The following GRXCR1 variants were observed in gnomAD, a reference collection of about 807,000 sequenced individuals.
GRXCR1 encodes the protein glutaredoxin domain-containing cysteine-rich protein 1.
Under a neutral mutation model 27.3 loss-of-function variants are expected in GRXCR1, and 27 were observed. The observed-to-expected ratio is 0.99, with a 90% CI of 0.73 to 1.37. GRXCR1 has a LOEUF of 1.37. Ranked by LOEUF, GRXCR1 falls within the 40% of genes most tolerant of loss-of-function variation. The pLI is 0.00. For missense variants in GRXCR1, 379 were observed against 354.4 expected (o/e 1.07, Z -0.56); for synonymous variants, 122 against 131.1 (o/e 0.93, Z 0.47).
chr4:42,987,327 G>C (rs775926753), intron 2 of GRXCR1, among the ~76,000 whole-genome samples: 2 of 143,150 alleles, frequency 1.4e-5, no homozygotes, highest in African/African-American at 2.6e-5. Flanking sequence ...CTGTCATCCA[G>C]ACTGAAGTGT....
intron 1 of GRXCR1, among the ~76,000 whole-genome samples, chr4:42,936,531 C>T (rs1299961100): frequency 6.6e-6 from 1 of 151,834 alleles, no homozygotes; most frequent in African/African-American, 2.4e-5. Flanking sequence ...CTATTATTAA[C>T]ATGTTAAAAT....
At chr4:42,949,538 T>C (rs1747831336) in intron 1 of GRXCR1, among the ~76,000 whole-genome samples, 1 of 152,150 alleles carries the variant, frequency 6.6e-6, no homozygotes, top group Admixed American at 6.5e-5. Context: ...CATTTGCTAG[T>C]TGCCTGACAT....
intron 1 of GRXCR1, among the ~76,000 whole-genome samples, chr4:42,931,821 G>A (rs150404540): frequency 9.6e-4 from 146 of 151,848 alleles, no homozygotes; most frequent in Admixed American, 3.1e-3. Context: ...CTTTTCTCAC[G>A]CTGCTAATAA....
At chr4:42,997,273 A>G (rs1162206206) in intron 2 of GRXCR1, among the ~76,000 whole-genome samples, 1 of 152,112 alleles carries the variant, frequency 6.6e-6, no homozygotes, top group Non-Finnish European at 1.5e-5. Flanking sequence ...CACTTCAAAT[A>G]TTTAGTGAAG....
At chr4:42,998,368 C>T (rs1310566553) in intron 2 of GRXCR1, among the ~76,000 whole-genome samples, 2 of 152,118 alleles carry the variant, frequency 1.3e-5, no homozygotes, top group Non-Finnish European at 2.9e-5. Flanking sequence ...ATGGAGAGTG[C>T]CACATTTTTA....
chr4:43,012,976 G>C (rs985038792), intron 2 of GRXCR1, among the ~76,000 whole-genome samples: 1 of 152,080 alleles, frequency 6.6e-6, no homozygotes, highest in Admixed American at 6.5e-5. Flanking sequence ...AGAGCACAAT[G>C]AGATAACATC....
chr4:43,013,411 A>G (rs1367712219), intron 2 of GRXCR1, among the ~76,000 whole-genome samples: 1 of 152,200 alleles, frequency 6.6e-6, no homozygotes, highest in Non-Finnish European at 1.5e-5. Context: ...GTTCTCATTT[A>G]TAAGGGGGAG....
intron 1 of GRXCR1, among the ~76,000 whole-genome samples, chr4:42,896,923 A>T (rs1345374824): frequency 6.6e-6 from 1 of 152,120 alleles, no homozygotes; most frequent in African/African-American, 2.4e-5. Flanking sequence ...ATTCAAATTT[A>T]TCAGTTAATT....
chr4:42,950,922 T>C (rs1409788310), intron 1 of GRXCR1, among the ~76,000 whole-genome samples: 1 of 147,442 alleles, frequency 6.8e-6, no homozygotes, highest in African/African-American at 2.5e-5. Flanking sequence ...TCTATATTTC[T>C]CTCTCTCTCT....
At chr4:42,917,275 G>C (rs576537482) in intron 1 of GRXCR1, among the ~76,000 whole-genome samples, 47 of 152,104 alleles carry the variant, frequency 3.1e-4, no homozygotes, top group Non-Finnish European at 4.9e-4. Context: ...GAGAAAAAAA[G>C]TATCCCATCT....
chr4:42,940,166 C>T (rs1488151714), intron 1 of GRXCR1, among the ~76,000 whole-genome samples: 2 of 151,990 alleles, frequency 1.3e-5, no homozygotes, highest in Non-Finnish European at 2.9e-5. Flanking sequence ...AGGTAAAACC[C>T]TGGAATTAAA....
chr4:42,930,683 G>A (rs1747285526), intron 1 of GRXCR1, among the ~76,000 whole-genome samples: 1 of 151,912 alleles, frequency 6.6e-6, no homozygotes, highest in African/African-American at 2.4e-5. Context: ...TAGTTCCTCT[G>A]TCTATTAGCC....
At chr4:42,925,697 C>T (rs916785876) in intron 1 of GRXCR1, among the ~76,000 whole-genome samples, 17 of 152,000 alleles carry the variant, frequency 1.1e-4, no homozygotes, top group African/African-American at 3.6e-4. Context: ...GACTTGTACC[C>T]TTCCACCATC....
rs745784596 is a variant in GRXCR1, at chr4:42,990,173, CTTTTTTTTTTTTTTTTTTTTT to C, written c.627+27055_627+27075del. Among the ~76,000 whole-genome samples the C allele has an allele frequency of 1.5e-4, 7 of 46,232 alleles. No homozygotes were observed. In the East Asian group the frequency reaches 2.3e-3, roughly 15 times the overall value. 30.3% of individuals were successfully genotyped at this position (46,232 alleles called of 152,430 possible). ...AACTTCTTGAATTGAATTATTAGTT[CTTTTTTTTTTTTTTTTTTTTT>C]TTTTTTTTTTTTTTTGAGACGGAGT... On this transcript the variant is annotated intron_variant, in intron 2 of 3. Coordinates refer to ENST00000399770, the MANE Select transcript of GRXCR1 (RefSeq NM_001080476.3).
At chr4:42,905,583 G>T (rs1330482585) in intron 1 of GRXCR1, among the ~76,000 whole-genome samples, 2 of 152,108 alleles carry the variant, frequency 1.3e-5, no homozygotes, top group East Asian at 3.9e-4. Flanking sequence ...GTTTCCCGTT[G>T]TTCTGTCTGG....
chr4:43,026,605 C>T (rs1054731994), intron 3 of GRXCR1, among the ~76,000 whole-genome samples: 3 of 152,114 alleles, frequency 2.0e-5, no homozygotes, highest in Non-Finnish European at 4.4e-5. Context: ...TTGGGGATCT[C>T]ATGTTTAGAT....
At chr4:42,971,575 G>A (rs367934126) in intron 2 of GRXCR1, among the ~76,000 whole-genome samples, 1 of 151,982 alleles carries the variant, frequency 6.6e-6, no homozygotes, top group African/African-American at 2.4e-5. Context: ...GTGAGTGAAG[G>A]GAAAAGTTCC....
At chr4:42,943,642 A>G (rs1747675197) in intron 1 of GRXCR1, among the ~76,000 whole-genome samples, 1 of 152,064 alleles carries the variant, frequency 6.6e-6, no homozygotes, top group African/African-American at 2.4e-5. Context: ...AACAACAGCA[A>G]TGACAGATTT....
intron 1 of GRXCR1, among the ~76,000 whole-genome samples, chr4:42,936,591 A>G (rs115217799): frequency 0.017 from 2,574 of 152,046 alleles, 37 homozygotes; most frequent in Middle Eastern, 0.031. Context: ...ATAAATTATT[A>G]TTAATTAAAG....
Sources: allele counts gnomAD v4.1 joint callset (sites outside exome capture counted in the v4.1 genomes callset), GRCh38; gene constraint gnomAD v4.1.1; transcripts MANE v1.5; gene names NCBI Gene and HGNC (gene_info 2026-07-23, HGNC 2026-07-21).